Variants in DUOX2 observed in about 807,000 individuals in gnomAD.
DUOX2 encodes dual oxidase 2.
DUOX2 carries 185 observed loss-of-function variants against 183.3 expected under a neutral mutation model. The ratio of observed to expected loss-of-function variants is 1.01; its 90% CI spans 0.90 to 1.14. DUOX2 has a LOEUF of 1.14. Ranked by LOEUF, DUOX2 falls within the 50% of genes most tolerant of loss-of-function variation. The pLI is 0.00. For missense variants in DUOX2, 1,999 were observed against 2,022.9 expected (o/e 0.99, Z 0.23); for synonymous variants, 788 against 812.4 (o/e 0.97, Z 0.51).
rs1444484582 is a variant in DUOX2, at chr15:45,097,750, A to C, written c.3566-9T>G. The C allele has an allele frequency of 6.2e-7, 1 of 1,614,228 alleles. No individual in the cohort carries two copies. Among genetic ancestry groups the C allele is most frequent in the Admixed American group, 1.7e-5 (1 of 60,036 alleles). On this transcript the variant is annotated splice_polypyrimidine_tract_variant and intron_variant, in intron 27 of 33. Transcript: ENST00000389039. ...AAGCACACCTGTCATACCTGGGGGC[A>C]GGAAGACAGGGCCAGTGAGTAGTCT...
In DUOX2 at chr15:45,101,804, C is replaced by T; in HGVS notation, c.2840G>A (p.Gly947Glu). The T allele has an allele frequency of 1.9e-6, 3 of 1,614,212 alleles. No homozygotes were observed. The highest frequency in any genetic ancestry group is 2.5e-6 in the Non-Finnish European group (3 of 1,180,044). The change falls in exon 21 of 34, where the codon GGA (glycine) becomes GAA (glutamate). Residue 947 changes from glycine to glutamate, a missense_variant. By Grantham distance (98) the Gly-to-Glu change is moderately conservative (BLOSUM62 -2). Around this residue, in one of 3 missense-constraint regions of DUOX2, gnomAD observed 1,628 missense variants for 1,608.6 expected, o/e 1.01. Transcript: ENST00000389039. ...CCTCACACACTCACCATTTCCACCT[C>T]CACCTCCACCTTTGACACAGAGCTG... ...FTQLCVKGGG[G>E]GGNGIRDIFK...
At position 45,094,797 on chromosome 15, in the gene DUOX2, G is replaced by A. The variant is rs562843154; in HGVS notation, c.4396-106C>T. The A allele has an allele frequency of 5.0e-6, 8 of 1,595,324 alleles. No homozygotes were observed. In the South Asian group the frequency reaches 6.7e-5, roughly 13 times the overall value. Reference sequence around the variant, plus strand: ...AGAGAATGGGGAGGGGAGGGAGCTGGAGGCTGAGGATCAGGCCATCAGCTC... The same window carrying A: ...AGAGAATGGGGAGGGGAGGGAGCTGAAGGCTGAGGATCAGGCCATCAGCTC... On this transcript the variant is annotated intron_variant, in intron 32 of 33. Transcript: ENST00000389039.
intron 16 of DUOX2, 44 bp downstream of exon 16, chr15:45,106,484 C>T: frequency 1.9e-6 from 3 of 1,605,560 alleles, no homozygotes; most frequent in Non-Finnish European, 2.6e-6. Context: ...CCTGTCTCTC[C>T]CCTCCTCCGT....
At chr15:45,103,815 C>A (rs1894143220) in intron 20 of DUOX2, 145 bp downstream of exon 20, 2 of 821,686 alleles carry the variant, frequency 2.4e-6, no homozygotes, top group Non-Finnish European at 4.1e-6. Flanking sequence ...AAGGTGGATG[C>A]TCTGAGAGTT....
chr15:45,099,282 T>G (rs1893993499), intron 26 of DUOX2, 101 bp downstream of exon 26: 3 of 1,021,114 alleles, frequency 2.9e-6, no homozygotes, highest in Non-Finnish European at 4.5e-6. Context: ...AGTGCTGGGA[T>G]TACAGGCGTG....
chr15:45,099,728 A>G lies in DUOX2; in HGVS notation c.3349T>C (p.Tyr1117His), dbSNP rs751311879. The change falls in exon 25 of 34, where the codon TAT becomes CAT. Residue 1117 changes from tyrosine (Y) to histidine (H), a missense_variant. By Grantham distance (83) the Tyr-to-His change is moderately conservative. Around this residue, in one of 3 missense-constraint regions of DUOX2, gnomAD observed 1,628 missense variants for 1,608.6 expected, o/e 1.01. Transcript: ENST00000389039. Reference sequence around the variant, plus strand: ...TCCACTGCGGCATCAAAAGGCACATAGCGGTTGAGGAAAGTCTCTCGCAGG... The same window carrying G: ...TCCACTGCGGCATCAAAAGGCACATGGCGGTTGAGGAAAGTCTCTCGCAGG... ...TFLRETFLNRYVPFDAAVDFH... is the reference protein window; with the variant it reads ...TFLRETFLNRHVPFDAAVDFH... 3.1e-6 allele frequency: 5 copies of G among 1,614,060 alleles called. No homozygotes were observed. The highest frequency in any genetic ancestry group is 1.7e-5 in the Admixed American group (1 of 60,010).
In DUOX2 at chr15:45,094,200, C is replaced by G. The variant is rs748789760; in HGVS notation, c.4597G>C (p.Val1533Leu). 9.9e-6 allele frequency: 16 copies of G among 1,614,000 alleles called. No individual in the cohort carries two copies. Among genetic ancestry groups the G allele is most frequent in the Non-Finnish European group, 1.3e-5 (15 of 1,180,034 alleles). ...AAGTGGGCTCGGTCCTGCCTGTTGA[C>G]GAGCTGACAGGCCTTCTCTACATTC... ...TKNVEKACQL[V>L]NRQDRAHFMH... The change falls in exon 34 of 34, where the codon GTC becomes CTC. Residue 1533 changes from valine (V) to leucine (L), a missense_variant. Coordinates refer to ENST00000389039, the MANE Select transcript of DUOX2 (RefSeq NM_001363711.2).
chr15:45,105,873 C>T, intron 17 of DUOX2, 45 bp from the exon 18 acceptor site: 1 of 1,610,454 alleles, frequency 6.2e-7, no homozygotes, highest in Non-Finnish European at 8.5e-7. Context: ...CTCGCTGGAC[C>T]TTCTGCTTCA....
chr15:45,113,175 C>G, intron 2 of DUOX2, 99 bp from the exon 3 acceptor site: 3 of 1,475,610 alleles, frequency 2.0e-6, no homozygotes, highest in Non-Finnish European at 2.8e-6. Flanking sequence ...CGCGGAGCGC[C>G]CCTAACCGGA....
intron 29 of DUOX2, among the ~76,000 whole-genome samples, chr15:45,096,606 G>A (rs888816744): frequency 2.0e-5 from 3 of 152,196 alleles, no homozygotes; most frequent in African/African-American, 7.2e-5. Flanking sequence ...CCATAGCTGA[G>A]CCTCAGGCCT....
chr15:45,104,555 A>T (rs929136832), intron 18 of DUOX2, among the ~76,000 whole-genome samples, 190 bp from the exon 19 acceptor site: 15 of 152,332 alleles, frequency 9.8e-5, no homozygotes, highest in African/African-American at 3.6e-4. Context: ...AATCTCTAGC[A>T]GCCTGCCCAT....
rs768447406 is a variant in DUOX2, at chr15:45,106,618, C to A, written c.1855G>T (p.Val619Leu). The change falls in exon 16 of 34, where the codon GTG (valine) becomes TTG (leucine). Residue 619 changes from valine to leucine, a missense_variant. Val to Leu is a conservative substitution (Grantham distance 32). Around this residue, in one of 3 missense-constraint regions of DUOX2, gnomAD observed 1,628 missense variants for 1,608.6 expected, o/e 1.01. Transcript: ENST00000389039. ...PLVSLLLSGV[V>L]AYFRGREHKK... Reference sequence around the variant, plus strand: ...TGTTCTCGGCCCCGGAAATAGGCCACCACTCCAGAGAGAAGCAGACTCACT... The same window carrying A: ...TGTTCTCGGCCCCGGAAATAGGCCAACACTCCAGAGAGAAGCAGACTCACT... The A allele has an allele frequency of 1.2e-5, 20 of 1,614,076 alleles. No individual in the cohort carries two copies. The East Asian group carries it at 3.8e-4, about 31-fold the overall frequency.
Position 45,100,098 on chromosome 15 carries a change from C to T in DUOX2, c.3136G>A (p.Ala1046Thr), listed in dbSNP as rs1894036942. 6.2e-7 allele frequency: 1 copy of T among 1,614,122 alleles called. No homozygotes were observed. Among genetic ancestry groups the T allele is most frequent in the East Asian group, 2.2e-5 (1 of 44,886 alleles). ...CCAACACAGATGGCCGAGAAGATTG[C>T]CACACACACGATGTGCCTCCGGTAG... ...ENYRRHIVCVAIFSAICVGVF... is the reference protein window; with the variant it reads ...ENYRRHIVCVTIFSAICVGVF... The change falls in exon 24 of 34, where the codon GCA becomes ACA. Residue 1046 changes from alanine to threonine, a missense_variant. By Grantham distance (58) the Ala-to-Thr change is moderately conservative. Coordinates refer to ENST00000389039, the MANE Select transcript of DUOX2 (RefSeq NM_001363711.2).
At position 45,108,191 on chromosome 15, in the gene DUOX2, T is replaced by C. The variant is rs1183532865; in HGVS notation, c.1430A>G (p.Gln477Arg). The change falls in exon 13 of 34, where the codon CAG (glutamine) becomes CGG (arginine). Residue 477 changes from glutamine to arginine, a missense_variant. Transcript: ENST00000389039. ...GAGCAGCTCTAGCTGGGATAGGTCCTGGTTGTACAGGGCAGCTGTGGCCTC... is the reference window on the plus strand; with the variant it reads ...GAGCAGCTCTAGCTGGGATAGGTCCCGGTTGTACAGGGCAGCTGTGGCCTC... ...VLEATAALYN[Q>R]DLSQLELLLG... 6.2e-7 allele frequency: 1 copy of C among 1,614,196 alleles called. No individual in the cohort carries two copies. The highest frequency in any genetic ancestry group is 8.5e-7 in the Non-Finnish European group (1 of 1,180,022).
chr15:45,101,159 A>AG, intron 22 of DUOX2, 46 bp downstream of exon 22: 1 of 1,555,774 alleles, frequency 6.4e-7, no homozygotes, highest in Non-Finnish European at 8.8e-7. Flanking sequence ...ATTTCTCTGC[A>AG]GGGGGCTCAG....
Position 45,099,730 on chromosome 15 carries a change from C to T in DUOX2, c.3347G>A (p.Arg1116His), listed in dbSNP as rs145586290. 77 of 1,614,030 alleles carry T rather than the reference C, an allele frequency of 4.8e-5. No individual in the cohort carries two copies. The highest frequency in any genetic ancestry group is 1.6e-4 in the South Asian group (15 of 91,088). ...CACTGCGGCATCAAAAGGCACATAG[C>T]GGTTGAGGAAAGTCTCTCGCAGGAA... ...ITFLRETFLN[R>H]YVPFDAAVDF... The change falls in exon 25 of 34, where the codon CGC becomes CAC. Residue 1116 changes from arginine to histidine, a missense_variant. Coordinates refer to ENST00000389039, the MANE Select transcript of DUOX2 (RefSeq NM_001363711.2).
intron 18 of DUOX2, among the ~76,000 whole-genome samples, chr15:45,104,759 T>C (rs932943211): frequency 6.6e-6 from 1 of 152,240 alleles, no homozygotes; most frequent in Non-Finnish European, 1.5e-5. Context: ...AAGGCTGCCA[T>C]GTGCCTATGA....
chr15:45,099,086 C>G (rs1486979408), intron 26 of DUOX2: 2 of 352,138 alleles, frequency 5.7e-6, no homozygotes, highest in African/African-American at 4.3e-5. Flanking sequence ...TCCCGGCTCA[C>G]TGCAAGCTCC....
chr15:45,108,772 T>C lies in DUOX2; in HGVS notation c.1398+17A>G, dbSNP rs1894298776. 1 of 1,613,888 alleles carries C rather than the reference T, an allele frequency of 6.2e-7. No individual in the cohort carries two copies. Among genetic ancestry groups the C allele is most frequent in the African/African-American group, 1.3e-5 (1 of 74,940 alleles). The stretch of plus-strand genomic sequence containing the variant: ...AGGAAAGCTTTAGCTGCCATTATTA[T>C]CATTACTATTCCTGACCTGGGGGTC... On this transcript the variant is annotated intron_variant, in intron 12 of 33. Coordinates refer to ENST00000389039, the MANE Select transcript of DUOX2 (RefSeq NM_001363711.2).
Sources: allele counts gnomAD v4.1 joint callset (sites outside exome capture counted in the v4.1 genomes callset), GRCh38; gene constraint gnomAD v4.1.1; regional missense constraint gnomAD v4.1.1; transcripts MANE v1.5; gene names NCBI Gene and HGNC (gene_info 2026-07-23, HGNC 2026-07-21).